Variants in SULT1C4 observed in about 807,000 individuals in gnomAD.
The protein encoded by SULT1C4 is sulfotransferase family 1C member 4.
In SULT1C4, 32 loss-of-function variants were observed where a neutral mutation model predicts 34.8. That is an observed-to-expected ratio of 0.92 (90% CI 0.69 to 1.23). SULT1C4 has a LOEUF of 1.23. SULT1C4 is among the 50% of genes most tolerant of loss of function. The pLI, the probability that SULT1C4 is intolerant of heterozygous loss-of-function variation, is 0.00. For missense variants in SULT1C4, 375 were observed against 365.9 expected (o/e 1.02, Z -0.20); for synonymous variants, 111 against 120.5 (o/e 0.92, Z 0.51).
intron 2 of SULT1C4, 194 bp downstream of exon 2, chr2:108,382,081 G>A: frequency 1.6e-6 from 1 of 636,354 alleles, no homozygotes; most frequent in Non-Finnish European, 2.4e-6. Flanking sequence ...ACAAAAGTGA[G>A]TTAAATTTTG....
rs547101373 is a variant in SULT1C4 at position 108,387,636 on chromosome 2, G to C, written c.*204G>C. ...GCAGCAGGGTGGCGACATGGAGAGA[G>C]GGAAGCTCAATAAATCACTAGGTAC... On this transcript the variant is annotated 3_prime_UTR_variant, in exon 7 of 7. Coordinates refer to ENST00000272452, the MANE Select transcript of SULT1C4 (RefSeq NM_006588.4). The C allele has an allele frequency of 1.5e-5, 8 of 534,214 alleles. No individual in the cohort carries two copies. In the South Asian group the frequency reaches 1.8e-4, roughly 12 times the overall value. The allele number at this position is 534,214 out of a possible 1,614,324, so 33.1% of individuals were successfully genotyped here.
chr2:108,381,988 G>A (rs892261620), intron 2 of SULT1C4, 101 bp downstream of exon 2: 2 of 1,292,354 alleles, frequency 1.5e-6, no homozygotes, highest in Non-Finnish European at 2.0e-6. Flanking sequence ...ACAATTATTG[G>A]TAAGTTTCAT....
chr2:108,387,181 A>G, intron 6 of SULT1C4, 139 bp from the exon 7 acceptor site: 1 of 603,402 alleles, frequency 1.7e-6, no homozygotes. Context: ...AGGAAGTGAC[A>G]GGATAGCAAG....
intron 5 of SULT1C4, 26 bp downstream of exon 5, chr2:108,383,536 AC>A (rs1356840214): frequency 6.3e-7 from 1 of 1,591,566 alleles, no homozygotes; most frequent in Non-Finnish European, 8.6e-7. Flanking sequence ...TCTAAGGTGT[AC>A]CCACTGGACC....
chr2:108,380,673 G>A (rs1477236903), intron 1 of SULT1C4, among the ~76,000 whole-genome samples: 1 of 152,220 alleles, frequency 6.6e-6, no homozygotes, highest in African/African-American at 2.4e-5. Context: ...GCAAGACACA[G>A]ACAGACTGAA....
chr2:108,386,156 A>G, intron 5 of SULT1C4, 36 bp from the exon 6 acceptor site: 1 of 1,386,254 alleles, frequency 7.2e-7, no homozygotes, highest in Non-Finnish European at 9.5e-7. Context: ...AACTAATTCT[A>G]TTAAATCATT....
chr2:108,387,923 A>G lies in SULT1C4; in HGVS notation c.*491A>G, dbSNP rs1165859794. The G allele has an allele frequency of 6.6e-6, 1 of 150,840 alleles. No homozygotes were observed. The highest frequency in any genetic ancestry group is 1.5e-5 in the Non-Finnish European group (1 of 68,178). 9.3% of individuals were successfully genotyped at this position (150,840 alleles called of 1,614,324 possible). On this transcript the variant is annotated 3_prime_UTR_variant, in exon 7 of 7. Transcript: ENST00000272452. ...GCTATTCCCCTGCCTCAGCCTCCCG[A>G]GTAGCTGGGACTATGGGCGCCCACC...
chr2:108,378,011 C>T lies in SULT1C4; in HGVS notation c.-327C>T. On this transcript the variant is annotated 5_prime_UTR_variant, in exon 1 of 7. Coordinates refer to ENST00000272452, the MANE Select transcript of SULT1C4 (RefSeq NM_006588.4). Reference sequence around the variant, plus strand: ...GTTCCCTGGAACCTGAGTCGGGAGACCTGCAGCTCACTTTCTCCCTGTTTG... The same window carrying T: ...GTTCCCTGGAACCTGAGTCGGGAGATCTGCAGCTCACTTTCTCCCTGTTTG... 5.8e-6 allele frequency: 1 copy of T among 172,138 alleles called. No homozygotes were observed. The highest frequency in any genetic ancestry group is 6.0e-5 in the Admixed American group (1 of 16,562). The allele number at this position is 172,138 out of a possible 1,614,324, so 10.7% of individuals were successfully genotyped here. A position where few individuals can be genotyped will look rare whatever the true frequency, so the allele number is the denominator to read the frequency against.
At position 108,382,445 on chromosome 2, in the gene SULT1C4, A is replaced by C; in HGVS notation, c.356A>C (p.His119Pro). The change falls in exon 3 of 7, where the codon CAC (histidine) becomes CCC (proline). Residue 119 changes from histidine (H) to proline (P), a missense_variant. Coordinates refer to ENST00000272452, the MANE Select transcript of SULT1C4 (RefSeq NM_006588.4). ...ATCCTGAAAACACATCTTCCCTTTC[A>C]CTTGCTGCCACCATCCTTGCTAGAG... is the stretch of plus-strand genomic sequence containing the variant. ...PRILKTHLPF[H>P]LLPPSLLEKN... 6.2e-7 allele frequency: 1 copy of C among 1,614,100 alleles called. No homozygotes were observed.
At chr2:108,384,181 T>A (rs563335617) in intron 5 of SULT1C4, among the ~76,000 whole-genome samples, 1 of 151,928 alleles carries the variant, frequency 6.6e-6, no homozygotes. Context: ...TTTGTTTTTT[T>A]ATTAGCACTG....
intron 5 of SULT1C4, among the ~76,000 whole-genome samples, chr2:108,385,264 C>T (rs1257544709): frequency 6.6e-6 from 1 of 152,146 alleles, no homozygotes; most frequent in Non-Finnish European, 1.5e-5. Flanking sequence ...AAGGATATGT[C>T]GCTGGGAATG....
chr2:108,378,289 G>GAC lies in SULT1C4; in HGVS notation c.-48_-47dup. ...TCTATCCACAACGCAGCCATATGCTGACTGAAGATAACTTTGTGTCTGGAA... is the reference window on the plus strand; with the variant it reads ...TCTATCCACAACGCAGCCATATGCTGACACTGAAGATAACTTTGTGTCTGGAA... On this transcript the variant is annotated 5_prime_UTR_variant, in exon 1 of 7. An upstream open reading frame in the 5' UTR loses its in-frame stop. Transcript: ENST00000272452. The GAC allele has an allele frequency of 6.3e-7, 1 of 1,575,030 alleles. No individual in the cohort carries two copies. Among genetic ancestry groups the GAC allele is most frequent in the Non-Finnish European group, 8.7e-7 (1 of 1,154,524 alleles).
At chr2:108,387,281 C>A in intron 6 of SULT1C4, 39 bp from the exon 7 acceptor site, 3 of 1,491,082 alleles carry the variant, frequency 2.0e-6, no homozygotes, top group Non-Finnish European at 1.9e-6. Context: ...CAGACTCTTC[C>A]AACAGCTACT....
chr2:108,387,433 T>C lies in SULT1C4; in HGVS notation c.*1T>C, dbSNP rs757383625. 7 of 1,598,658 alleles carry C rather than the reference T, an allele frequency of 4.4e-6. No individual in the cohort carries two copies. Among genetic ancestry groups the C allele is most frequent in the Non-Finnish European group, 6.0e-6 (7 of 1,168,812 alleles). On this transcript the variant is annotated 3_prime_UTR_variant, in exon 7 of 7. Transcript: ENST00000272452. Reference sequence around the variant, plus strand: ...ACTAACTTTCCACTTCCAGTTCTAGTAAGGAAGAAAAACTGAAAATGTTTT... The same window carrying C: ...ACTAACTTTCCACTTCCAGTTCTAGCAAGGAAGAAAAACTGAAAATGTTTT...
chr2:108,381,769 A>C lies in SULT1C4; in HGVS notation c.177A>C (p.Thr59=), dbSNP rs1678403395. Residue 59 remains threonine, a synonymous_variant, in exon 2 of 7, where the codon ACA becomes ACC. Coordinates refer to ENST00000272452, the MANE Select transcript of SULT1C4 (RefSeq NM_006588.4). ...LISTYPKAGT[T]WTQEIVELIQ... ...ATTTTACGTGCACGTAAGGAACAACATGGACTCAGGAGATAGTGGAATTAA... is the reference window on the plus strand; with the variant it reads ...ATTTTACGTGCACGTAAGGAACAACCTGGACTCAGGAGATAGTGGAATTAA... The C allele has an allele frequency of 7.1e-7, 1 of 1,412,988 alleles. No individual in the cohort carries two copies. Among genetic ancestry groups the C allele is most frequent in the African/African-American group, 1.5e-5 (1 of 67,692 alleles). The allele number at this position is 1,412,988 out of a possible 1,614,324, so 87.5% of individuals were successfully genotyped here.
intron 2 of SULT1C4, 173 bp from the exon 3 acceptor site, chr2:108,382,212 G>C: frequency 1.5e-6 from 1 of 655,926 alleles, no homozygotes; most frequent in East Asian, 2.6e-5. Context: ...GTTAGGAATT[G>C]TTCTAGTCAA....
chr2:108,383,609 G>A, intron 5 of SULT1C4, 99 bp downstream of exon 5: 4 of 1,018,980 alleles, frequency 3.9e-6, no homozygotes, highest in Non-Finnish European at 5.7e-6. Flanking sequence ...GCGGGGAACC[G>A]AAAATTGCTG....
Position 108,378,522 on chromosome 2 carries a change from T to C in SULT1C4, c.169+16T>C, listed in dbSNP as rs754400595. ...CCTAAAGCAGGTAGGTGGAAGGGCT[T>C]GCAGGGGAAGGGGAAGAGGAGAGTT... On this transcript the variant is annotated intron_variant, in intron 1 of 6. Coordinates refer to ENST00000272452, the MANE Select transcript of SULT1C4 (RefSeq NM_006588.4). The C allele has an allele frequency of 6.2e-7, 1 of 1,611,902 alleles. No homozygotes were observed. Among genetic ancestry groups the C allele is most frequent in the South Asian group, 1.1e-5 (1 of 90,796 alleles).
In SULT1C4 at chr2:108,388,337, T is replaced by C. The variant is rs1678624382; in HGVS notation, c.*905T>C. ...TACAATCCTGGAGTCACCTCTTGAC[T>C]CATCTTTCCCATTGCCACCACAATC... On this transcript the variant is annotated 3_prime_UTR_variant, in exon 7 of 7. Coordinates refer to ENST00000272452, the MANE Select transcript of SULT1C4 (RefSeq NM_006588.4). Among the ~76,000 whole-genome samples the C allele has an allele frequency of 6.6e-6, 1 of 151,964 alleles. No homozygotes were observed. Among genetic ancestry groups the C allele is most frequent in the Non-Finnish European group, 1.5e-5 (1 of 68,034 alleles).
Sources: gnomAD v4.1 joint callset for allele counts (sites outside exome capture counted in the v4.1 genomes callset) on GRCh38, gnomAD v4.1.1 for gene constraint, MANE v1.5 for transcripts, NCBI Gene and HGNC (gene_info 2026-07-23, HGNC 2026-07-21) for gene names.